BPTF: variants seen among roughly 807,000 people sequenced by gnomAD.
BPTF encodes bromodomain PHD finger transcription factor.
In BPTF, 18 loss-of-function variants were observed where a neutral mutation model predicts 292.5. The observed-to-expected ratio is 0.06, with a 90% CI of 0.04 to 0.09. The LOEUF (loss-of-function observed/expected upper bound fraction) is 0.09. BPTF is among the 10% of genes least tolerant of loss of function. BPTF has a pLI of 1.00. For missense variants in BPTF, 2,726 were observed against 3,498.7 expected (o/e 0.78, Z 5.57); for synonymous variants, 1,225 against 1,251.9 (o/e 0.98, Z 0.45).
chr17:67,867,720 G>A (rs1259645348), intron 3 of BPTF, among the ~76,000 whole-genome samples: 1 of 152,126 alleles, frequency 6.6e-6, no homozygotes, highest in Non-Finnish European at 1.5e-5. Flanking sequence ...CTCATGGTTA[G>A]CCTAGGTTTA....
intron 1 of BPTF, among the ~76,000 whole-genome samples, chr17:67,850,455 G>A (rs1340717960): frequency 6.6e-6 from 1 of 152,074 alleles, no homozygotes; most frequent in Non-Finnish European, 1.5e-5. Context: ...TGCAACCTCC[G>A]TCTCCTGGGT....
intron 23 of BPTF, among the ~76,000 whole-genome samples, chr17:67,952,698 T>G (rs1452629070): frequency 3.9e-5 from 6 of 152,098 alleles, no homozygotes; most frequent in Admixed American, 1.3e-4. Flanking sequence ...CAATAGTGAT[T>G]ATTATTATTA....
intron 4 of BPTF, among the ~76,000 whole-genome samples, chr17:67,879,196 C>T (rs1169137022): frequency 6.9e-6 from 1 of 144,900 alleles, no homozygotes. Context: ...GGCTGGAGTA[C>T]AGTGGTGCGA....
chr17:67,844,282 C>G (rs1442129095), intron 1 of BPTF, among the ~76,000 whole-genome samples: 1 of 148,152 alleles, frequency 6.7e-6, no homozygotes, highest in Non-Finnish European at 1.5e-5. Flanking sequence ...GAGTCTAGCT[C>G]TGTTGCCCAG....
At chr17:67,895,953 A>C (rs959987383) in intron 7 of BPTF, among the ~76,000 whole-genome samples, 1 of 147,676 alleles carries the variant, frequency 6.8e-6, no homozygotes, top group African/African-American at 2.5e-5. Flanking sequence ...ATTCCTAAGT[A>C]CTCAATCAGG....
rs191234202 is a variant in BPTF, at chr17:67,919,884, T to G, written c.5429-131T>G. ...CAGTGATCCTGCTAGATGTTAGTGA[T>G]CCTGTTAATTAAGTCAGGTGTTTCC... On this transcript the variant is annotated intron_variant, in intron 12 of 27. Transcript: ENST00000306378. The G allele has an allele frequency of 1.2e-4, 93 of 766,604 alleles. No individual in the cohort carries two copies. In the East Asian group the frequency reaches 2.1e-3, roughly 17 times the overall value. The allele number at this position is 766,604 out of a possible 1,614,324, so 47.5% of individuals were successfully genotyped here. A position where few individuals can be genotyped will look rare whatever the true frequency, so the allele number is the denominator to read the frequency against.
At position 67,920,091 on chromosome 17, in the gene BPTF, A is replaced by G; in HGVS notation, c.5505A>G (p.Glu1835=). ...RDVGPYGIRS[E]YCIRKIICPI... is the part of the protein sequence containing the mutation. The stretch of plus-strand genomic sequence containing the variant: ...TTGGTCCTTATGGCATTCGATCTGA[A>G]TATTGTATCAGGAAAATCATTTGTC... The change falls in exon 13 of 28, where the codon GAA becomes GAG. Residue 1835 remains glutamate (E), a synonymous_variant. Coordinates refer to ENST00000306378, the MANE Select transcript of BPTF (RefSeq NM_182641.4). 1.2e-6 allele frequency: 2 copies of G among 1,612,080 alleles called. No homozygotes were observed. Among genetic ancestry groups the G allele is most frequent in the Non-Finnish European group, 1.7e-6 (2 of 1,178,280 alleles).
At chr17:67,906,021 C>T (rs146828725) in intron 9 of BPTF, among the ~76,000 whole-genome samples, 2,600 of 152,058 alleles carry the variant, frequency 0.017, 65 homozygotes, top group African/African-American at 0.055. Context: ...GCACGTTGTG[C>T]GCACGTACCC....
At chr17:67,924,495 C>T in intron 14 of BPTF, 52 bp from the exon 15 acceptor site, 2 of 1,547,228 alleles carry the variant, frequency 1.3e-6, no homozygotes, top group Non-Finnish European at 1.8e-6. Context: ...TTATTAGATG[C>T]CAGATGCCTA....
intron 27 of BPTF, among the ~76,000 whole-genome samples, chr17:67,979,030 C>G (rs1465802018): frequency 6.6e-6 from 1 of 151,086 alleles, no homozygotes; most frequent in Admixed American, 6.6e-5. Context: ...AAAAATTAGC[C>G]AGGCATGGTG....
chr17:67,972,232 A>G (rs1164219213), intron 26 of BPTF, among the ~76,000 whole-genome samples: 2 of 151,476 alleles, frequency 1.3e-5, no homozygotes, highest in African/African-American at 4.9e-5. Flanking sequence ...AAGGGCTTTT[A>G]TTTTATTATT....
intron 26 of BPTF, among the ~76,000 whole-genome samples, chr17:67,969,283 CTACAAAAAAAAAA>C: frequency 6.6e-6 from 1 of 150,462 alleles, no homozygotes; most frequent in East Asian, 1.9e-4. Context: ...CTCATCTCTA[CTACAAAAAAAAAA>C]TACAAAAATT....
Position 67,871,216 on chromosome 17 carries a change from C to T in BPTF, c.1661-3601C>T, listed in dbSNP as rs536239916. Among the ~76,000 whole-genome samples the T allele has an allele frequency of 1.1e-3, 168 of 151,904 alleles. 1 individual carries two copies. Among genetic ancestry groups the T allele is most frequent in the South Asian group, 4.6e-3 (22 of 4,822 alleles). On this transcript the variant is annotated intron_variant, in intron 3 of 27. Coordinates refer to ENST00000306378, the MANE Select transcript of BPTF (RefSeq NM_182641.4). ...TATTTTATTAAAAATTTCAAATGTA[C>T]ACAAAAGTTGAAAGAATTATACAGT...
At chr17:67,848,764 A>G (rs1159205956) in intron 1 of BPTF, among the ~76,000 whole-genome samples, 1 of 152,312 alleles carries the variant, frequency 6.6e-6, no homozygotes, top group African/African-American at 2.4e-5. Context: ...TTTTGTCTCA[A>G]TAACTGCCAG....
chr17:67,891,824 G>A lies in BPTF; in HGVS notation c.1865-20G>A. On this transcript the variant is annotated intron_variant, in intron 4 of 27. Transcript: ENST00000306378. ...TTTACTTATTGTCAGCAATTGCTTT[G>A]TGGCCTATTCATTTGACAGTAGGTG... The A allele has an allele frequency of 6.5e-7, 1 of 1,540,156 alleles. No individual in the cohort carries two copies. Among genetic ancestry groups the A allele is most frequent in the Non-Finnish European group, 8.8e-7 (1 of 1,142,510 alleles).
intron 2 of BPTF, among the ~76,000 whole-genome samples, chr17:67,856,020 CA>C (rs1343218923): frequency 6.6e-6 from 1 of 152,174 alleles, no homozygotes; most frequent in Non-Finnish European, 1.5e-5. Flanking sequence ...TTCAATCTGG[CA>C]ATTACGTTCT....
At chr17:67,878,355 T>A (rs548642817) in intron 4 of BPTF, among the ~76,000 whole-genome samples, 2 of 152,322 alleles carry the variant, frequency 1.3e-5, no homozygotes, top group East Asian at 3.9e-4. Context: ...ATTATGAATA[T>A]TTTACATGTT....
rs753634471 is a variant in BPTF at position 67,912,220 on chromosome 17, A to G, written c.4336A>G (p.Ile1446Val). The change falls in exon 11 of 28, where the codon ATA (isoleucine) becomes GTA (valine). Residue 1446 changes from isoleucine to valine, a missense_variant. Transcript: ENST00000306378. Reference sequence around the variant, plus strand: ...ACCAAAGGTTAATAATATAAATAAAATAATCCCTGAGAATGATATTAAATC... The same window carrying G: ...ACCAAAGGTTAATAATATAAATAAAGTAATCCCTGAGAATGATATTAAATC... The part of the protein sequence containing the change: ...VEPKVNNINK[I>V]IPENDIKSLT... 1.9e-6 allele frequency: 3 copies of G among 1,609,110 alleles called. No homozygotes were observed. The highest frequency in any genetic ancestry group is 3.4e-5 in the Admixed American group (2 of 59,294).
In BPTF at chr17:67,893,696, C is replaced by T. The variant is rs148954198; in HGVS notation, c.2382C>T (p.Ser794=). Residue 794 remains serine, a synonymous_variant, in exon 6 of 28, where the codon TCC becomes TCT. Coordinates refer to ENST00000306378, the MANE Select transcript of BPTF (RefSeq NM_182641.4). The part of the protein sequence containing the change: ...ITQLENNIPS[S]FLHPNWASHR... ...AATTAGAAAACAACATCCCTTCATC[C>T]TTTCTTCATCCCAACTGGGCATCAC... 178 of 1,607,884 alleles carry T rather than the reference C, an allele frequency of 1.1e-4. No individual in the cohort carries two copies. In the African/African-American group the frequency reaches 2.0e-3, roughly 18 times the overall value.
Sources: allele counts gnomAD v4.1 joint callset (sites outside exome capture counted in the v4.1 genomes callset), GRCh38; gene constraint gnomAD v4.1.1; transcripts MANE v1.5; gene names NCBI Gene and HGNC (gene_info 2026-07-23, HGNC 2026-07-21).